The following ANKRD6 variants were observed in gnomAD, a reference collection of about 807,000 sequenced individuals.
The protein encoded by ANKRD6 is ankyrin repeat domain 6, also known as ankyrin repeat domain-containing protein 6.
ANKRD6 carries 56 observed loss-of-function variants against 82.3 expected under a neutral mutation model. That is an observed-to-expected ratio of 0.68 (90% CI 0.55 to 0.85). ANKRD6 has a LOEUF of 0.85. ANKRD6 is among the 40% of genes least tolerant of loss of function. ANKRD6 has a pLI of 0.00. For missense variants in ANKRD6, 852 were observed against 907.6 expected, an observed-to-expected ratio of 0.94 and a Z score of 0.79; for synonymous variants, 347 against 352.1, an observed-to-expected ratio of 0.99 and a Z score of 0.16.
At chr6:89,625,599 C>T (rs911231208) in intron 13 of ANKRD6, among the ~76,000 whole-genome samples, 5 of 152,104 alleles carry the variant, frequency 3.3e-5, no homozygotes, top group African/African-American at 9.7e-5. Flanking sequence ...CCTGACAGGG[C>T]ATCTCTAAAT....
intron 1 of ANKRD6, among the ~76,000 whole-genome samples, chr6:89,470,143 C>T (rs1372468419): frequency 6.6e-6 from 1 of 152,198 alleles, no homozygotes; most frequent in Non-Finnish European, 1.5e-5. Flanking sequence ...CACATACACA[C>T]ACTCAATATT....
intron 1 of ANKRD6, among the ~76,000 whole-genome samples, chr6:89,476,043 T>C (rs1351139528): frequency 6.6e-6 from 1 of 152,254 alleles, no homozygotes; most frequent in Non-Finnish European, 1.5e-5. Flanking sequence ...AAAAGTGTTA[T>C]AATATTAAAG....
rs71024383 is a variant in ANKRD6, at chr6:89,578,286, C to CTTTTTTTT, written c.120+11209_120+11216dup. Among the ~76,000 whole-genome samples, 2 of 119,098 alleles carry CTTTTTTTT rather than the reference C, an allele frequency of 1.7e-5. 1 individual carries two copies. The allele number at this position is 119,098 out of a possible 152,430, so 78.1% of individuals were successfully genotyped here. ...ATTAGCTTTTTCCCCCTCCCGCCTC[C>CTTTTTTTT]TTTTTTTTTTTTTTTTTTTTTTTTT... On this transcript the variant is annotated intron_variant, in intron 2 of 15. Transcript: ENST00000339746.
intron 15 of ANKRD6, 60 bp from the exon 16 acceptor site, chr6:89,630,373 C>A: frequency 1.3e-6 from 2 of 1,545,986 alleles, no homozygotes; most frequent in Admixed American, 2.0e-5. Flanking sequence ...TACTGACCCG[C>A]AGCCATATGA....
rs566199121 is a variant in ANKRD6, at chr6:89,497,252, G to T, written c.-144+63877G>T. 4.5e-4 allele frequency among the ~76,000 whole-genome samples: 69 copies of T among 152,286 alleles called. No homozygotes were observed. In the Middle Eastern group the frequency reaches 0.017, roughly 38 times the overall value. On this transcript the variant is annotated intron_variant, in intron 1 of 15. Transcript: ENST00000339746. The stretch of plus-strand genomic sequence containing the variant: ...TACTTTGGTACAGGCTGATCATTTA[G>T]GATATTTAAAATTGAATTTGAAGCT...
intron 1 of ANKRD6, among the ~76,000 whole-genome samples, chr6:89,468,575 A>G (rs1437359358): frequency 7.1e-6 from 1 of 140,252 alleles, no homozygotes; most frequent in Non-Finnish European, 1.5e-5. Context: ...AAAATATGCT[A>G]ACACTAATGA....
intron 1 of ANKRD6, chr6:89,562,455 A>G (rs1247218716): frequency 6.6e-6 from 1 of 152,130 alleles, no homozygotes; most frequent in African/African-American, 2.4e-5. Flanking sequence ...CCCTTACAAC[A>G]CGCACACTCA....
At chr6:89,462,133 G>A (rs991431102) in intron 1 of ANKRD6, among the ~76,000 whole-genome samples, 1 of 151,830 alleles carries the variant, frequency 6.6e-6, no homozygotes, top group African/African-American at 2.4e-5. Context: ...TCAGGGGGCT[G>A]AGGCAGGAGA....
chr6:89,533,388 A>G (rs549709330), intron 1 of ANKRD6, among the ~76,000 whole-genome samples: 2 of 152,238 alleles, frequency 1.3e-5, no homozygotes, highest in African/African-American at 2.4e-5. Context: ...GTATTATCCT[A>G]TTTGACAACT....
At chr6:89,534,903 A>C (rs563502221) in intron 1 of ANKRD6, among the ~76,000 whole-genome samples, 8 of 152,112 alleles carry the variant, frequency 5.3e-5, no homozygotes, top group Non-Finnish European at 8.8e-5. Flanking sequence ...GGACCTAGGG[A>C]GCTAATGTCT....
At chr6:89,487,725 A>G (rs1396414830) in intron 1 of ANKRD6, among the ~76,000 whole-genome samples, 2 of 152,176 alleles carry the variant, frequency 1.3e-5, no homozygotes, top group Non-Finnish European at 2.9e-5. Context: ...CCTGTGCTTC[A>G]CCTTCTCTCA....
In ANKRD6 at chr6:89,454,147, T is replaced by C. The variant is rs374292217; in HGVS notation, c.-144+20772T>C. Among the ~76,000 whole-genome samples the C allele has an allele frequency of 1.5e-4, 23 of 152,228 alleles. No homozygotes were observed. In the East Asian group the frequency reaches 4.3e-3, roughly 28 times the overall value. On this transcript the variant is annotated intron_variant, in intron 1 of 15. Transcript: ENST00000339746. ...GTTTTTGCTGGTGTCATTTCTTCAT[T>C]TTTTTTCATCTCAACCACTTTTCTC...
intron 1 of ANKRD6, among the ~76,000 whole-genome samples, chr6:89,437,303 C>G (rs985939114): frequency 1.3e-5 from 2 of 152,082 alleles, no homozygotes; most frequent in Non-Finnish European, 2.9e-5. Flanking sequence ...TCTGCTCAGA[C>G]CCCAGATAAG....
intron 1 of ANKRD6, among the ~76,000 whole-genome samples, chr6:89,464,629 T>C (rs1160193992): frequency 6.6e-6 from 1 of 152,264 alleles, no homozygotes; most frequent in African/African-American, 2.4e-5. Flanking sequence ...AGAACTTACT[T>C]TGCTTTCATC....
intron 2 of ANKRD6, among the ~76,000 whole-genome samples, chr6:89,581,343 G>A (rs1354095397): frequency 6.6e-6 from 1 of 152,224 alleles, no homozygotes; most frequent in African/African-American, 2.4e-5. Flanking sequence ...GTCAGAGCAT[G>A]CATGCCCTTG....
chr6:89,584,538 A>G (rs1314265688), intron 2 of ANKRD6, among the ~76,000 whole-genome samples: 1 of 152,206 alleles, frequency 6.6e-6, no homozygotes, highest in Non-Finnish European at 1.5e-5. Flanking sequence ...GTGGGCTGTT[A>G]CATGTTTCCT....
chr6:89,616,074 G>A (rs577820567), intron 7 of ANKRD6, among the ~76,000 whole-genome samples: 1 of 152,324 alleles, frequency 6.6e-6, no homozygotes, highest in Admixed American at 6.5e-5. Context: ...TGTAGCTGCA[G>A]GCTGGCCTGT....
chr6:89,596,864 T>A (rs1032658905), intron 3 of ANKRD6, among the ~76,000 whole-genome samples: 7 of 152,248 alleles, frequency 4.6e-5, no homozygotes, highest in African/African-American at 1.4e-4. Flanking sequence ...GTTGCAACAC[T>A]AATTCATGTA....
Position 89,539,458 on chromosome 6 carries a change from A to G in ANKRD6, c.-143-27376A>G, listed in dbSNP as rs539340655. Among the ~76,000 whole-genome samples, 11 of 152,250 alleles carry G rather than the reference A, an allele frequency of 7.2e-5. No homozygotes were observed. The East Asian group carries it at 1.7e-3, about 24-fold the overall frequency. ...TTTAATATGAAAAATAATGATATAC[A>G]TGGTGTTTATGCAGTATGTATATAA... is the stretch of plus-strand genomic sequence containing the variant. On this transcript the variant is annotated intron_variant, in intron 1 of 15. Transcript: ENST00000339746.
Sources: allele counts gnomAD v4.1 joint callset (sites outside exome capture counted in the v4.1 genomes callset), GRCh38; gene constraint gnomAD v4.1.1; transcripts MANE v1.5; gene names NCBI Gene and HGNC (gene_info 2026-07-23, HGNC 2026-07-21).